Variants in NEGR1 observed in about 807,000 individuals in gnomAD.
NEGR1 encodes the protein IgLON family member 4.
NEGR1 carries 10 observed loss-of-function variants against 40.9 expected under a neutral mutation model. That is an observed-to-expected ratio of 0.24 (90% CI 0.15 to 0.42). The LOEUF (loss-of-function observed/expected upper bound fraction) is 0.42. Among genes scored for constraint, NEGR1 ranks in the 10% least tolerant of loss-of-function variants. The pLI is 1.00. For synonymous variants in NEGR1, 185 were observed against 166.8 expected, an observed-to-expected ratio of 1.11 and a Z score of -0.84; for missense variants, 352 against 438.9, an observed-to-expected ratio of 0.80 and a Z score of 1.77.
chr1:71,499,259 A>G (rs1646984103), intron 6 of NEGR1, among the ~76,000 whole-genome samples: 1 of 151,724 alleles, frequency 6.6e-6, no homozygotes, highest in Admixed American at 6.6e-5. Context: ...TTACATTCTG[A>G]AATTTCTTTT....
At chr1:71,544,730 G>A in intron 6 of NEGR1, among the ~76,000 whole-genome samples, 1 of 151,634 alleles carries the variant, frequency 6.6e-6, no homozygotes. Flanking sequence ...CAGGGGAGAG[G>A]CAGTCTGAGT....
intron 1 of NEGR1, among the ~76,000 whole-genome samples, chr1:72,199,178 GA>G (rs1653111895): frequency 6.7e-6 from 1 of 150,264 alleles, no homozygotes; most frequent in African/African-American, 2.5e-5. Context: ...GAGAGAGAGA[GA>G]GAGAGACTAC....
intron 2 of NEGR1, among the ~76,000 whole-genome samples, chr1:71,898,947 C>A (rs1557692796): frequency 8.7e-5 from 8 of 92,252 alleles, no homozygotes; most frequent in East Asian, 2.9e-4. Context: ...TAATATATTG[C>A]AAATATATAT....
At chr1:72,149,879 C>CAAAAAAAAAAAAAAAAA (rs1180110033) in intron 1 of NEGR1, among the ~76,000 whole-genome samples, 4 of 39,356 alleles carry the variant, frequency 1.0e-4, no homozygotes, top group Non-Finnish European at 2.0e-4. Flanking sequence ...AAAACTCTGT[C>CAAAAAAAAAAAAAAAAA]AAAAAAAAAA....
intron 4 of NEGR1, among the ~76,000 whole-genome samples, chr1:71,695,198 A>G (rs763618648): frequency 6.6e-6 from 1 of 151,786 alleles, no homozygotes; most frequent in African/African-American, 2.4e-5. Context: ...CACACCTGAG[A>G]TATCAGTTAT....
chr1:72,177,171 T>C (rs997534979), intron 1 of NEGR1, among the ~76,000 whole-genome samples: 1 of 152,110 alleles, frequency 6.6e-6, no homozygotes, highest in African/African-American at 2.4e-5. Flanking sequence ...TAGATACCAC[T>C]GTTACTACTA....
At chr1:71,640,463 C>T (rs113861031) in intron 4 of NEGR1, among the ~76,000 whole-genome samples, 1,886 of 152,078 alleles carry the variant, frequency 0.012, 36 homozygotes, top group African/African-American at 0.043. Flanking sequence ...AACATGAATG[C>T]AATATCCTGG....
chr1:72,096,737 C>T (rs572389260), intron 1 of NEGR1, among the ~76,000 whole-genome samples: 36 of 152,192 alleles, frequency 2.4e-4, no homozygotes, highest in African/African-American at 8.4e-4. Flanking sequence ...TTTTGGCTCA[C>T]TGCAGCTCCA....
At chr1:71,431,700 A>G (rs1646470738) in intron 6 of NEGR1, among the ~76,000 whole-genome samples, 2 of 152,204 alleles carry the variant, frequency 1.3e-5, no homozygotes, top group African/African-American at 4.8e-5. Flanking sequence ...TGGAATTTAC[A>G]TTTTGGGCAA....
At chr1:71,641,511 GT>G (rs1488079667) in intron 4 of NEGR1, among the ~76,000 whole-genome samples, 2 of 152,016 alleles carry the variant, frequency 1.3e-5, no homozygotes, top group Admixed American at 6.6e-5. Flanking sequence ...CTGTCATGGA[GT>G]TTTATTTGCA....
Position 71,815,415 on chromosome 1 carries a change from A to G in NEGR1, c.410-39118T>C, listed in dbSNP as rs1658167311. Among the ~76,000 whole-genome samples the G allele has an allele frequency of 2.6e-5, 4 of 152,196 alleles. No homozygotes were observed. In the South Asian group the frequency reaches 8.3e-4, roughly 32 times the overall value. On this transcript the variant is annotated intron_variant, in intron 2 of 6. Transcript: ENST00000357731. ...TGGGTGGAGAGTTCTGTAGATCTGT[A>G]TCAGGTCCACTTGATCCAGGGCTGA...
At chr1:71,958,816 G>A (rs1041095424) in intron 1 of NEGR1, among the ~76,000 whole-genome samples, 6 of 152,068 alleles carry the variant, frequency 3.9e-5, no homozygotes, top group Non-Finnish European at 5.9e-5. Context: ...TGAGCTGGGC[G>A]TGGTGGCAGG....
chr1:71,753,160 G>A (rs974983923), intron 3 of NEGR1, among the ~76,000 whole-genome samples: 1 of 152,020 alleles, frequency 6.6e-6, no homozygotes, highest in African/African-American at 2.4e-5. Context: ...GGTATTTTTT[G>A]AGGTTTAACT....
Position 71,976,615 on chromosome 1 carries a change from G to A in NEGR1, c.177-41304C>T, listed in dbSNP as rs779182309. 4.6e-5 allele frequency among the ~76,000 whole-genome samples: 7 copies of A among 151,948 alleles called. No homozygotes were observed. The South Asian group carries it at 1.5e-3, about 32-fold the overall frequency. Reference sequence around the variant, plus strand: ...ATTATCTTTTTGTATTTGGGATTTGGGTAGCTTTTTTTAAAAAAGTTACTT... The same window carrying A: ...ATTATCTTTTTGTATTTGGGATTTGAGTAGCTTTTTTTAAAAAAGTTACTT... On this transcript the variant is annotated intron_variant, in intron 1 of 6. Transcript: ENST00000357731.
At chr1:72,155,752 G>C (rs1243171138) in intron 1 of NEGR1, among the ~76,000 whole-genome samples, 1 of 152,086 alleles carries the variant, frequency 6.6e-6, no homozygotes, top group African/African-American at 2.4e-5. Flanking sequence ...AATAAGCCTA[G>C]GTTTCCTTAC....
chr1:71,562,260 T>G (rs945655171), intron 6 of NEGR1, among the ~76,000 whole-genome samples: 2 of 151,832 alleles, frequency 1.3e-5, no homozygotes, highest in Non-Finnish European at 2.9e-5. Context: ...TGTTACCTAT[T>G]CTGTCACTAT....
chr1:71,751,524 T>A (rs1655569403), intron 3 of NEGR1, among the ~76,000 whole-genome samples: 1 of 152,196 alleles, frequency 6.6e-6, no homozygotes, highest in Non-Finnish European at 1.5e-5. Flanking sequence ...GAGACCTTAC[T>A]GATTTTATTT....
intron 1 of NEGR1, among the ~76,000 whole-genome samples, chr1:72,223,732 A>T (rs76464071): frequency 0.013 from 1,981 of 152,328 alleles, 44 homozygotes; most frequent in African/African-American, 0.046. Flanking sequence ...CTCTCAAAAA[A>T]GATCATGATT....
intron 2 of NEGR1, among the ~76,000 whole-genome samples, chr1:71,798,924 G>A (rs150294711): frequency 7.8e-4 from 118 of 152,088 alleles, no homozygotes; most frequent in Admixed American, 2.3e-3. Context: ...AGTAGCCGAA[G>A]GTACTATATT....
Sources: allele counts gnomAD v4.1 joint callset (sites outside exome capture counted in the v4.1 genomes callset), GRCh38; gene constraint gnomAD v4.1.1; transcripts MANE v1.5; gene names NCBI Gene and HGNC (gene_info 2026-07-23, HGNC 2026-07-21).